Variants in PGM5 observed in about 807,000 individuals in gnomAD.
PGM5 encodes the protein phosphoglucomutase-like protein 5.
PGM5 carries 23 observed loss-of-function variants against 59.2 expected under a neutral mutation model. The ratio of observed to expected loss-of-function variants is 0.39; its 90% CI spans 0.28 to 0.55. PGM5 has a LOEUF of 0.55. Ranked by LOEUF, PGM5 falls within the 20% of genes least tolerant of loss-of-function variation. The probability of loss-of-function intolerance (pLI) is 0.66; values close to 1 mark genes in which losing one functional copy is unlikely to be tolerated. For synonymous variants in PGM5, 214 were observed against 286.0 expected, an observed-to-expected ratio of 0.75 and a Z score of 2.54; for missense variants, 574 against 748.3, an observed-to-expected ratio of 0.77 and a Z score of 2.72.
At chr9:68,528,880 G>C (rs999250422) in intron 10 of PGM5, among the ~76,000 whole-genome samples, 1 of 152,052 alleles carries the variant, frequency 6.6e-6, no homozygotes, top group East Asian at 1.9e-4. Context: ...TCCACACCTC[G>C]GAAAACAATG....
intron 2 of PGM5, among the ~76,000 whole-genome samples, chr9:68,382,878 A>C (rs1822112772): frequency 6.6e-6 from 1 of 151,876 alleles, no homozygotes; most frequent in Non-Finnish European, 1.5e-5. Flanking sequence ...CTTTGGCATT[A>C]AAACTCAGGG....
rs188821356 is a variant in PGM5, at chr9:68,505,920, A to T, written c.1614+6559A>T. ...TGGTTCCTCTGGCAGCCAGCCCTCCACCTGAAACTATGTTGGGGCCCACCA... is the reference window on the plus strand; with the variant it reads ...TGGTTCCTCTGGCAGCCAGCCCTCCTCCTGAAACTATGTTGGGGCCCACCA... On this transcript the variant is annotated intron_variant, in intron 10 of 10. Transcript: ENST00000396396. 8.3e-4 allele frequency among the ~76,000 whole-genome samples: 126 copies of T among 152,148 alleles called. 1 individual carries two copies. Among genetic ancestry groups the T allele is most frequent in the African/African-American group, 2.8e-3 (118 of 41,508 alleles).
At chr9:68,475,792 T>C (rs1554686600) in intron 7 of PGM5, among the ~76,000 whole-genome samples, 2 of 152,196 alleles carry the variant, frequency 1.3e-5, no homozygotes, top group Non-Finnish European at 2.9e-5. Context: ...TGAATGAATT[T>C]TGTGCAATGA....
At chr9:68,385,230 T>G (rs1822185659) in intron 3 of PGM5, among the ~76,000 whole-genome samples, 1 of 149,308 alleles carries the variant, frequency 6.7e-6, no homozygotes, top group African/African-American at 2.5e-5. Context: ...CATGTATGTA[T>G]ACATTTTCCC....
chr9:68,389,375 C>T (rs367718520), intron 4 of PGM5, among the ~76,000 whole-genome samples: 189 of 152,170 alleles, frequency 1.2e-3, no homozygotes, highest in African/African-American at 4.4e-3. Flanking sequence ...CCCCAAAGAG[C>T]TTTTGGCAGC....
chr9:68,381,127 G>T (rs1822062244), intron 2 of PGM5, among the ~76,000 whole-genome samples: 1 of 151,828 alleles, frequency 6.6e-6, no homozygotes, highest in South Asian at 2.1e-4. Flanking sequence ...CAAACATATT[G>T]TAAGAAAATA....
At chr9:68,507,864 T>C (rs1344354210) in intron 10 of PGM5, among the ~76,000 whole-genome samples, 2 of 152,172 alleles carry the variant, frequency 1.3e-5, no homozygotes, top group Non-Finnish European at 2.9e-5. Context: ...TTACTACATA[T>C]TGTTTTCCCT....
chr9:68,479,321 A>G, intron 7 of PGM5, 97 bp from the exon 8 acceptor site: 2 of 1,114,580 alleles, frequency 1.8e-6, no homozygotes, highest in South Asian at 3.2e-5. Flanking sequence ...AATCATTTCT[A>G]CATAACATTC....
chr9:68,367,164 G>A (rs1271916286), intron 1 of PGM5, among the ~76,000 whole-genome samples: 13 of 151,880 alleles, frequency 8.6e-5, no homozygotes, highest in East Asian at 1.9e-4. Flanking sequence ...CAGCTGCTCC[G>A]GCATAGACTT....
intron 7 of PGM5, among the ~76,000 whole-genome samples, chr9:68,473,100 C>G (rs1329991335): frequency 6.6e-6 from 1 of 151,954 alleles, no homozygotes; most frequent in South Asian, 2.1e-4. Flanking sequence ...ATCAGTCTAC[C>G]GATCGATCGA....
At chr9:68,410,144 G>C (rs1554681504) in intron 6 of PGM5, among the ~76,000 whole-genome samples, 1 of 152,240 alleles carries the variant, frequency 6.6e-6, no homozygotes, top group Non-Finnish European at 1.5e-5. Flanking sequence ...CAACTAGAGA[G>C]AGGATGAAGA....
chr9:68,379,663 G>C (rs1235908477), intron 2 of PGM5, among the ~76,000 whole-genome samples: 3 of 152,068 alleles, frequency 2.0e-5, no homozygotes, highest in Non-Finnish European at 2.9e-5. Flanking sequence ...GAATGGCTGA[G>C]TGGATCAACA....
At chr9:68,484,767 G>T (rs1404011295) in intron 9 of PGM5, among the ~76,000 whole-genome samples, 2 of 152,094 alleles carry the variant, frequency 1.3e-5, no homozygotes, top group African/African-American at 4.8e-5. Flanking sequence ...ATTCAGAAAA[G>T]TTACCAAGAA....
intron 10 of PGM5, among the ~76,000 whole-genome samples, chr9:68,519,931 A>ATAAG (rs1319935612): frequency 1.3e-5 from 2 of 150,618 alleles, no homozygotes; most frequent in East Asian, 3.9e-4. Flanking sequence ...AAATAAATAA[A>ATAAG]TAAATAAAAT....
intron 10 of PGM5, among the ~76,000 whole-genome samples, chr9:68,528,766 G>A (rs1353787752): frequency 1.3e-5 from 2 of 152,162 alleles, no homozygotes; most frequent in Non-Finnish European, 2.9e-5. Context: ...TCTCCTTGAT[G>A]AAATCAGAAG....
intron 7 of PGM5, chr9:68,466,223 T>C: frequency 7.9e-7 from 1 of 1,266,978 alleles, no homozygotes; most frequent in Non-Finnish European, 1.0e-6. Flanking sequence ...CTGTGTCCAA[T>C]CTGCTGATGA....
At chr9:68,466,818 C>T (rs1823942150) in intron 7 of PGM5, among the ~76,000 whole-genome samples, 1 of 152,158 alleles carries the variant, frequency 6.6e-6, no homozygotes, top group African/African-American at 2.4e-5. Flanking sequence ...GACTGCAAGT[C>T]TGTAACACAA....
Position 68,387,487 on chromosome 9 carries a change from T to C in PGM5, c.596T>C (p.Ile199Thr). 1.2e-6 allele frequency: 2 copies of C among 1,611,178 alleles called. No homozygotes were observed. Among genetic ancestry groups the C allele is most frequent in the Non-Finnish European group, 1.7e-6 (2 of 1,177,714 alleles). Residue 199 changes from isoleucine (I) to threonine (T), a missense_variant, in exon 4 of 11, where the codon ATC (isoleucine) becomes ACC (threonine). This residue lies in a region of PGM5 where 103 missense variants were observed against 112.4 expected (regional missense o/e 0.92). Transcript: ENST00000396396. ...GTGGAGATAGTGGACCCAGTGGATA[T>C]CTATCTTAACCTCCTTCGGACCATC... is the stretch of plus-strand genomic sequence containing the variant. ...FRVEIVDPVD[I>T]YLNLLRTIFD...
At chr9:68,399,671 T>G (rs1822615897) in intron 6 of PGM5, among the ~76,000 whole-genome samples, 1 of 152,052 alleles carries the variant, frequency 6.6e-6, no homozygotes, top group South Asian at 2.1e-4. Context: ...TTCTTTTTAG[T>G]CTGATGAATT....
Sources: allele counts gnomAD v4.1 joint callset (sites outside exome capture counted in the v4.1 genomes callset), GRCh38; gene constraint gnomAD v4.1.1; regional missense constraint gnomAD v4.1.1; transcripts MANE v1.5; gene names NCBI Gene and HGNC (gene_info 2026-07-23, HGNC 2026-07-21).